FBXO32: variants seen among roughly 807,000 people sequenced by gnomAD.
The protein encoded by FBXO32 is F-box only protein 32.
A neutral mutation model predicts 48.3 loss-of-function variants in FBXO32; 15 were observed. That is an observed-to-expected ratio of 0.31 (90% CI 0.21 to 0.48). The LOEUF (loss-of-function observed/expected upper bound fraction) is 0.48. FBXO32 is among the 20% of genes least tolerant of loss of function. The probability of loss-of-function intolerance (pLI) is 0.99; values close to 1 mark genes in which losing one functional copy is unlikely to be tolerated. For synonymous variants in FBXO32, 154 were observed against 165.9 expected (o/e 0.93, Z 0.55); for missense variants, 309 against 432.7 (o/e 0.71, Z 2.54).
At chr8:123,520,239 G>A (rs1816924457) in intron 4 of FBXO32, among the ~76,000 whole-genome samples, 1 of 152,184 alleles carries the variant, frequency 6.6e-6, no homozygotes, top group Admixed American at 6.5e-5. Flanking sequence ...TGTCTTGTTT[G>A]GAAGTGGCTG....
At position 123,540,603 on chromosome 8, in the gene FBXO32, C is replaced by T. The variant is rs1164199028; in HGVS notation, c.116+296G>A. 6.6e-6 allele frequency among the ~76,000 whole-genome samples: 1 copy of T among 152,208 alleles called. No individual in the cohort carries two copies. Among genetic ancestry groups the T allele is most frequent in the African/African-American group, 2.4e-5 (1 of 41,466 alleles). On this transcript the variant is annotated intron_variant, in intron 1 of 8. Transcript: ENST00000517956. The surrounding 1 kb of genome is among the most constrained non-coding windows in gnomAD (Gnocchi z 6.4). ...AGCTGTGTGATTAAGTTTGAGCGAACGTTTGGGGACACGATCCGCGAATGT... is the reference window on the plus strand; with the variant it reads ...AGCTGTGTGATTAAGTTTGAGCGAATGTTTGGGGACACGATCCGCGAATGT...
intron 4 of FBXO32, among the ~76,000 whole-genome samples, chr8:123,521,813 C>A (rs1320447471): frequency 6.6e-6 from 1 of 152,108 alleles, no homozygotes; most frequent in Non-Finnish European, 1.5e-5. Flanking sequence ...CCTTGCCATG[C>A]CTCACATGCT....
intron 1 of FBXO32, among the ~76,000 whole-genome samples, chr8:123,536,085 T>G (rs1817304960): frequency 6.6e-6 from 1 of 152,222 alleles, no homozygotes; most frequent in Non-Finnish European, 1.5e-5. Flanking sequence ...ATAAGTATCT[T>G]GCTAATATGC....
chr8:123,507,843 G>C (rs2130506028), intron 6 of FBXO32, among the ~76,000 whole-genome samples: 1 of 152,256 alleles, frequency 6.6e-6, no homozygotes. Context: ...CTTCAGGCTG[G>C]TGAGAGACCC....
chr8:123,516,620 C>T (rs1179305702), intron 4 of FBXO32, among the ~76,000 whole-genome samples: 1 of 152,130 alleles, frequency 6.6e-6, no homozygotes, highest in East Asian at 1.9e-4. Flanking sequence ...CATGTTTGTC[C>T]CCGTGGAGCT....
chr8:123,507,189 C>A (rs1171246412), intron 6 of FBXO32, among the ~76,000 whole-genome samples: 2 of 152,228 alleles, frequency 1.3e-5, no homozygotes, highest in Non-Finnish European at 2.9e-5. Flanking sequence ...CTCTTTGAGA[C>A]ACATTTTGCA....
At chr8:123,535,826 G>GTTTTTT (rs149011780) in intron 1 of FBXO32, among the ~76,000 whole-genome samples, 4 of 133,454 alleles carry the variant, frequency 3.0e-5, no homozygotes, top group South Asian at 2.2e-4. Flanking sequence ...ATAAATTAGG[G>GTTTTTT]GTTTTTTTTT....
At chr8:123,514,124 T>C in intron 5 of FBXO32, 116 bp downstream of exon 5, 4 of 698,588 alleles carry the variant, frequency 5.7e-6, no homozygotes, top group Admixed American at 3.1e-5. Context: ...GCTGGAGTTA[T>C]TCATTTCCAT....
rs768219000 is a variant in FBXO32, at chr8:123,506,561, C to G, written c.665G>C (p.Gly222Ala). The G allele has an allele frequency of 2.1e-5, 34 of 1,593,862 alleles. No homozygotes were observed. The highest frequency in any genetic ancestry group is 2.7e-5 in the Non-Finnish European group (32 of 1,166,342). ...NIQITRPAFK[G>A]LTFTDLPLCL... ...CAAAGGCAGGTCAGTGAAGGTGAGGCCTTTGAAGGCAGGCTGCAGAGAGAA... is the reference window on the plus strand; with the variant it reads ...CAAAGGCAGGTCAGTGAAGGTGAGGGCTTTGAAGGCAGGCTGCAGAGAGAA... Residue 222 changes from glycine to alanine, a missense_variant, in exon 7 of 9, where the codon GGC (glycine) becomes GCC (alanine). Physicochemically the swap from Gly to Ala is moderately conservative, Grantham distance 60. Coordinates refer to ENST00000517956, the MANE Select transcript of FBXO32 (RefSeq NM_058229.4). The surrounding 1 kb of genome is among the most constrained non-coding windows in gnomAD (Gnocchi z 4.0).
Position 123,506,631 on chromosome 8 carries a change from C to T in FBXO32, c.652-57G>A. The T allele has an allele frequency of 6.9e-7, 1 of 1,448,146 alleles. No homozygotes were observed. The highest frequency in any genetic ancestry group is 9.4e-7 in the Non-Finnish European group (1 of 1,058,994). 89.7% of individuals were successfully genotyped at this position (1,448,146 alleles called of 1,614,324 possible). On this transcript the variant is annotated intron_variant, in intron 6 of 8. Coordinates refer to ENST00000517956, the MANE Select transcript of FBXO32 (RefSeq NM_058229.4). The surrounding 1 kb of genome is among the most constrained non-coding windows in gnomAD (Gnocchi z 4.0). The stretch of plus-strand genomic sequence containing the variant: ...GGCCAGAGAGCAGCGATTCACCAGG[C>T]CACACCCTCCAGGCATGCAGCTGTG...
chr8:123,524,202 C>T (rs1817024205), intron 4 of FBXO32, among the ~76,000 whole-genome samples: 1 of 152,148 alleles, frequency 6.6e-6, no homozygotes, highest in Admixed American at 6.5e-5. Flanking sequence ...TGGGCATCTC[C>T]CACTTTTTCA....
At chr8:123,531,672 C>T (rs972117734) in intron 4 of FBXO32, among the ~76,000 whole-genome samples, 2 of 152,174 alleles carry the variant, frequency 1.3e-5, no homozygotes, top group East Asian at 3.8e-4. Context: ...GGTATTATGG[C>T]GGCCCCTGCC....
chr8:123,538,432 C>A (rs1817351056), intron 1 of FBXO32, among the ~76,000 whole-genome samples: 1 of 152,132 alleles, frequency 6.6e-6, no homozygotes, highest in Non-Finnish European at 1.5e-5. Flanking sequence ...TAAGGGCCTG[C>A]CTTTTGTTTT....
chr8:123,539,689 C>CA (rs1209010806), intron 1 of FBXO32, among the ~76,000 whole-genome samples: 4 of 152,186 alleles, frequency 2.6e-5, no homozygotes, highest in African/African-American at 9.6e-5. Flanking sequence ...TTCAAGTTGC[C>CA]AAAATAACCA....
At chr8:123,532,512 A>G (rs1031883050) in intron 3 of FBXO32, among the ~76,000 whole-genome samples, 8 of 152,122 alleles carry the variant, frequency 5.3e-5, no homozygotes, top group Non-Finnish European at 1.2e-4. Context: ...ACCTATGAAC[A>G]CAGAGGGAAT....
At chr8:123,520,098 G>T (rs894891712) in intron 4 of FBXO32, among the ~76,000 whole-genome samples, 1 of 151,928 alleles carries the variant, frequency 6.6e-6, no homozygotes, top group African/African-American at 2.4e-5. Flanking sequence ...CAAATTTATC[G>T]ATTTTATTTG....
intron 1 of FBXO32, among the ~76,000 whole-genome samples, chr8:123,539,920 G>C (rs2280921): frequency 0.36 from 54,321 of 152,060 alleles, 9,973 homozygotes; most frequent in Non-Finnish European, 0.38. Flanking sequence ...CATCGCCCCC[G>C]CTCACCGGGC....
At chr8:123,507,350 C>T (rs1027583431) in intron 6 of FBXO32, among the ~76,000 whole-genome samples, 2 of 151,986 alleles carry the variant, frequency 1.3e-5, no homozygotes, top group Admixed American at 6.6e-5. Context: ...GCCCAGCACA[C>T]AGAAGGTGCT....
chr8:123,515,551 T>C (rs1816823772), intron 4 of FBXO32, among the ~76,000 whole-genome samples: 1 of 151,820 alleles, frequency 6.6e-6, no homozygotes, highest in African/African-American at 2.4e-5. Flanking sequence ...GCCCCGCCAG[T>C]TTGTTTGTTG....
Sources: allele counts gnomAD v4.1 joint callset (sites outside exome capture counted in the v4.1 genomes callset), GRCh38; gene constraint gnomAD v4.1.1; non-coding constraint Gnocchi (gnomAD v3.1); transcripts MANE v1.5; gene names NCBI Gene and HGNC (gene_info 2026-07-23, HGNC 2026-07-21).